The following CALN1 variants were observed in gnomAD, a reference collection of about 807,000 sequenced individuals.
CALN1 encodes the protein calneuron 1, also known as calcium-binding protein 8.
In CALN1, 17 loss-of-function variants were observed where a neutral mutation model predicts 30.6. The observed-to-expected ratio is 0.56, with a 90% confidence interval of 0.38 to 0.83. The LOEUF (loss-of-function observed/expected upper bound fraction) is 0.83. Ranked by LOEUF, CALN1 falls within the 40% of genes least tolerant of loss-of-function variation. The pLI, the probability that CALN1 is intolerant of heterozygous loss-of-function variation, is 0.00. For missense variants in CALN1, 291 were observed against 354.9 expected (o/e 0.82, Z 1.45); for synonymous variants, 156 against 131.4 (o/e 1.19, Z -1.28).
intron 6 of CALN1, among the ~76,000 whole-genome samples, chr7:71,804,179 A>T (rs907769033): frequency 6.6e-6 from 1 of 152,180 alleles, no homozygotes; most frequent in African/African-American, 2.4e-5. Flanking sequence ...TAAAATTATC[A>T]GACCCAAAAT....
intron 3 of CALN1, among the ~76,000 whole-genome samples, chr7:72,167,080 A>G (rs1585077888): frequency 6.6e-6 from 1 of 152,260 alleles, no homozygotes; most frequent in African/African-American, 2.4e-5. Context: ...GGCAAAAATA[A>G]AGCAGTTAAT....
At chr7:72,412,949 C>T (rs1300091503), upstream of CALN1, among the ~76,000 whole-genome samples, 1 of 152,188 alleles carries the variant, frequency 6.6e-6, no homozygotes. Context: ...CCTGGGGCAG[C>T]TGGTCTAGCT....
At chr7:71,900,872 T>C (rs1311960531) in intron 5 of CALN1, among the ~76,000 whole-genome samples, 1 of 152,196 alleles carries the variant, frequency 6.6e-6, no homozygotes, top group African/African-American at 2.4e-5. Flanking sequence ...ATCCGACATA[T>C]GTAGTAGCAT....
chr7:72,142,284 C>T (rs1203983038), intron 3 of CALN1, among the ~76,000 whole-genome samples: 2 of 152,186 alleles, frequency 1.3e-5, no homozygotes, highest in Non-Finnish European at 2.9e-5. Context: ...TAATACTGTG[C>T]TTTTCTGACG....
intron 3 of CALN1, among the ~76,000 whole-genome samples, chr7:72,245,870 T>C (rs1397338495): frequency 1.3e-5 from 2 of 152,186 alleles, no homozygotes; most frequent in Non-Finnish European, 2.9e-5. Context: ...CATTTCTAGA[T>C]GTGTTTCCAT....
intron 5 of CALN1, among the ~76,000 whole-genome samples, chr7:71,818,974 C>T (rs929782131): frequency 2.0e-5 from 3 of 151,492 alleles, no homozygotes; most frequent in African/African-American, 7.3e-5. Context: ...TCCCAAAGTG[C>T]TGGGATTACA....
At chr7:72,278,128 AC>A (rs974349712) in intron 3 of CALN1, among the ~76,000 whole-genome samples, 4 of 151,684 alleles carry the variant, frequency 2.6e-5, no homozygotes, top group African/African-American at 9.7e-5. Context: ...TCCATCCCTA[AC>A]CCCTGCCTTG....
intron 2 of CALN1, among the ~76,000 whole-genome samples, chr7:72,382,440 G>C (rs755613010): frequency 6.6e-6 from 1 of 152,200 alleles, no homozygotes; most frequent in Non-Finnish European, 1.5e-5. Context: ...ATGCTTCCTG[G>C]TGACTGTTAT....
Position 71,927,366 on chromosome 7 carries a change from T to C in CALN1, c.501+96291A>G, listed in dbSNP as rs542797908. Among the ~76,000 whole-genome samples the C allele has an allele frequency of 2.0e-5, 3 of 152,262 alleles. No individual in the cohort carries two copies. The East Asian group carries it at 5.8e-4, about 29-fold the overall frequency. On this transcript the variant is annotated intron_variant, in intron 5 of 6. Coordinates refer to ENST00000395275, the MANE Select transcript of CALN1 (RefSeq NM_031468.4). ...CTGAGACCACAGGCGTGCACCACCA[T>C]GCCTGGCTAATTTTTCTATTTTCAA...
intron 3 of CALN1, among the ~76,000 whole-genome samples, chr7:72,204,155 A>ATTTT (rs34607350): frequency 7.1e-6 from 1 of 141,810 alleles, no homozygotes. Flanking sequence ...CACCTGGCTA[A>ATTTT]TTTTTTTTTT....
chr7:72,356,244 G>T (rs1803221258), intron 2 of CALN1, among the ~76,000 whole-genome samples: 4 of 150,026 alleles, frequency 2.7e-5, no homozygotes, highest in South Asian at 2.1e-4. Flanking sequence ...GAGATGAAAG[G>T]GTAAGGAGCA....
chr7:71,951,236 C>T (rs1314394043), intron 5 of CALN1, among the ~76,000 whole-genome samples: 1 of 152,144 alleles, frequency 6.6e-6, no homozygotes, highest in Non-Finnish European at 1.5e-5. Flanking sequence ...AAAGAGCTCT[C>T]TAACACCATG....
intron 5 of CALN1, among the ~76,000 whole-genome samples, chr7:71,977,442 TTAAA>T (rs1449780084): frequency 1.3e-5 from 2 of 151,734 alleles, no homozygotes; most frequent in Non-Finnish European, 1.5e-5. Flanking sequence ...TTCAAAATTT[TTAAA>T]TAAATAAATA....
chr7:71,909,747 G>A (rs1433625511), intron 5 of CALN1, among the ~76,000 whole-genome samples: 1 of 152,118 alleles, frequency 6.6e-6, no homozygotes, highest in East Asian at 1.9e-4. Flanking sequence ...ATACTCTATA[G>A]AACACTGTCC....
upstream of CALN1, among the ~76,000 whole-genome samples, chr7:72,413,556 T>G (rs934443626): frequency 5.3e-5 from 8 of 150,980 alleles, no homozygotes; most frequent in Non-Finnish European, 1.2e-4. Flanking sequence ...CATACATGCA[T>G]GCACTCATGC....
chr7:72,251,985 G>A (rs781287938), intron 3 of CALN1, among the ~76,000 whole-genome samples: 1 of 152,058 alleles, frequency 6.6e-6, no homozygotes, highest in Non-Finnish European at 1.5e-5. Context: ...AATCATTAAG[G>A]TTATTCAGCA....
chr7:72,345,174 A>AG (rs1420996221), intron 2 of CALN1, among the ~76,000 whole-genome samples: 1 of 150,618 alleles, frequency 6.6e-6, no homozygotes, highest in African/African-American at 2.4e-5. Flanking sequence ...AACATCTTAC[A>AG]GATCTTAAGA....
At chr7:72,470,178 C>T in the CALN1 span, among the ~76,000 whole-genome samples, 1 of 152,196 alleles carries the variant, frequency 6.6e-6, no homozygotes, top group Non-Finnish European at 1.5e-5. Flanking sequence ...AGCTTATCCT[C>T]TCTGACCCCT....
At chr7:71,845,207 T>G (rs1584353337) in intron 5 of CALN1, among the ~76,000 whole-genome samples, 1 of 152,126 alleles carries the variant, frequency 6.6e-6, no homozygotes, top group East Asian at 1.9e-4. Context: ...TTGTTCAATT[T>G]CACCTGGTTC....
Sources: allele counts gnomAD v4.1 joint callset (sites outside exome capture counted in the v4.1 genomes callset), GRCh38; gene constraint gnomAD v4.1.1; transcripts MANE v1.5; gene names NCBI Gene and HGNC (gene_info 2026-07-23, HGNC 2026-07-21).